RFTN1: variants seen among roughly 807,000 people sequenced by gnomAD.
RFTN1 encodes the protein raftlin.
In RFTN1, 26 loss-of-function variants were observed where a neutral mutation model predicts 46.5. That is an observed-to-expected ratio of 0.56 (90% CI 0.41 to 0.78). The LOEUF is 0.78. RFTN1 is among the 30% of genes least tolerant of loss of function. The probability of loss-of-function intolerance (pLI) is 0.00; values close to 1 mark genes in which losing one functional copy is unlikely to be tolerated. For missense variants in RFTN1, 693 were observed against 718.7 expected (o/e 0.96, Z 0.41); for synonymous variants, 261 against 284.2 (o/e 0.92, Z 0.82).
rs10575645 is a variant in RFTN1, at chr3:16,435,917, A to AATATAT, written c.146-1886_146-1881dup. Among the ~76,000 whole-genome samples the AATATAT allele has an allele frequency of 4.7e-3, 662 of 142,348 alleles. 17 individuals are homozygous for AATATAT. Among genetic ancestry groups the AATATAT allele is most frequent in the African/African-American group, 0.015 (577 of 37,778 alleles). 93.4% of individuals were successfully genotyped at this position (142,348 alleles called of 152,430 possible). A position where few individuals can be genotyped will look rare whatever the true frequency, so the allele number is the denominator to read the frequency against. ...AAATAAATAAAAAATCAGAGATGTA[A>AATATAT]ATATATATATATATATATATATATA... On this transcript the variant is annotated intron_variant, in intron 2 of 9. Transcript: ENST00000334133.
At chr3:16,510,620 T>A (rs2125017630) in intron 1 of RFTN1, among the ~76,000 whole-genome samples, 1 of 152,308 alleles carries the variant, frequency 6.6e-6, no homozygotes, top group African/African-American at 2.4e-5. Flanking sequence ...GACTTTAGGA[T>A]AGGAAAGACA....
At chr3:16,343,729 T>C (rs62233953) in intron 7 of RFTN1, among the ~76,000 whole-genome samples, 1 of 152,236 alleles carries the variant, frequency 6.6e-6, no homozygotes, top group African/African-American at 2.4e-5. Context: ...GTTAAAAACC[T>C]GCAACACAAA....
chr3:16,431,961 C>A (rs2075398292), intron 3 of RFTN1, among the ~76,000 whole-genome samples: 1 of 152,190 alleles, frequency 6.6e-6, no homozygotes, highest in Non-Finnish European at 1.5e-5. Flanking sequence ...ACTCTGCTTG[C>A]TGCCATCCGT....
intron 4 of RFTN1, among the ~76,000 whole-genome samples, chr3:16,393,550 A>G (rs968957919): frequency 2.6e-5 from 4 of 152,192 alleles, no homozygotes; most frequent in African/African-American, 7.2e-5. Context: ...CTCTCACAAT[A>G]TAAGGACTCT....
At position 16,342,860 on chromosome 3, in the gene RFTN1, G is replaced by A. The variant is rs1403951300; in HGVS notation, c.1146+15072C>T. 1.3e-5 allele frequency among the ~76,000 whole-genome samples: 2 copies of A among 152,256 alleles called. No homozygotes were observed. The highest frequency in any genetic ancestry group is 4.8e-5 in the African/African-American group (2 of 41,556). On this transcript the variant is annotated intron_variant, in intron 7 of 9. Transcript: ENST00000334133. This position sits in a 1 kb window ranked among gnomAD's most constrained non-coding sequence, Gnocchi z 4.0. The stretch of plus-strand genomic sequence containing the variant: ...GGCCTGGCTGAATTTTTTACATGCA[G>A]TTCCCTAATCTCCACCCCGAAGACC...
chr3:16,401,409 C>G (rs1438247194), intron 4 of RFTN1, among the ~76,000 whole-genome samples: 2 of 152,116 alleles, frequency 1.3e-5, no homozygotes, highest in Non-Finnish European at 2.9e-5. Context: ...TTTACTTAAG[C>G]CCATGGCAGG....
At position 16,466,246 on chromosome 3, in the gene RFTN1, C is replaced by T. The variant is rs1438273818; in HGVS notation, c.145+27479G>A. ...TTTAACTTGCATCGTCCTCTCATCC[C>T]AGCTTGCAAAGGAACAGGTACACAT... On this transcript the variant is annotated intron_variant, in intron 2 of 9. Transcript: ENST00000334133. The surrounding 1 kb of genome is among the most constrained non-coding windows in gnomAD (Gnocchi z 5.6). Among the ~76,000 whole-genome samples, 2 of 152,162 alleles carry T rather than the reference C, an allele frequency of 1.3e-5. No individual in the cohort carries two copies. The highest frequency in any genetic ancestry group is 2.9e-5 in the Non-Finnish European group (2 of 68,030).
rs1395107932 is a variant in RFTN1 at position 16,317,534 on chromosome 3, C to G, written c.1333-302G>C. ...CAAAGGCCCACATAGGAAAGGGCTC[C>G]TAAAGTCCTATCATTTGGAGGGCCA... On this transcript the variant is annotated intron_variant, in intron 9 of 9. Coordinates refer to ENST00000334133, the MANE Select transcript of RFTN1 (RefSeq NM_015150.2). The surrounding 1 kb of genome is among the most constrained non-coding windows in gnomAD (Gnocchi z 4.3). Among the ~76,000 whole-genome samples, 2 of 152,156 alleles carry G rather than the reference C, an allele frequency of 1.3e-5. No individual in the cohort carries two copies. The highest frequency in any genetic ancestry group is 4.8e-5 in the African/African-American group (2 of 41,424).
Position 16,322,790 on chromosome 3 carries a change from G to A in RFTN1, c.1332+586C>T, listed in dbSNP as rs984977891. Reference sequence around the variant, plus strand: ...TTTCTAGGGTAGTTCAGAGTCCGGAGAGGGGGAAAAGGGCCCTGGGGATCT... The same window carrying A: ...TTTCTAGGGTAGTTCAGAGTCCGGAAAGGGGGAAAAGGGCCCTGGGGATCT... On this transcript the variant is annotated intron_variant, in intron 9 of 9. Coordinates refer to ENST00000334133, the MANE Select transcript of RFTN1 (RefSeq NM_015150.2). This position sits in a 1 kb window ranked among gnomAD's most constrained non-coding sequence, Gnocchi z 6.2. Among the ~76,000 whole-genome samples the A allele has an allele frequency of 6.6e-6, 1 of 152,156 alleles. No homozygotes were observed. The highest frequency in any genetic ancestry group is 2.4e-5 in the African/African-American group (1 of 41,424).
rs1479813928 is a variant in RFTN1, at chr3:16,335,571, C to T, written c.1147-8695G>A. Among the ~76,000 whole-genome samples, 1 of 152,088 alleles carries T rather than the reference C, an allele frequency of 6.6e-6. No homozygotes were observed. Among genetic ancestry groups the T allele is most frequent in the Non-Finnish European group, 1.5e-5 (1 of 68,024 alleles). On this transcript the variant is annotated intron_variant, in intron 7 of 9. Transcript: ENST00000334133. The surrounding 1 kb of genome is among the most constrained non-coding windows in gnomAD (Gnocchi z 4.7). ...GTGGGAGAGCTGAACGGTGAAAACA[C>T]ATGTGAAAACACATGGACACATGGT...
intron 3 of RFTN1, among the ~76,000 whole-genome samples, chr3:16,417,290 G>A (rs2075101253): frequency 1.3e-5 from 2 of 151,644 alleles, no homozygotes; most frequent in South Asian, 2.1e-4. Flanking sequence ...ATCAGCCACC[G>A]CACCCGGCCT....
rs2069235135 is a variant in RFTN1, at chr3:16,322,881, C to T, written c.1332+495G>A. Among the ~76,000 whole-genome samples the T allele has an allele frequency of 6.6e-6, 1 of 152,196 alleles. No homozygotes were observed. The highest frequency in any genetic ancestry group is 1.9e-4 in the East Asian group (1 of 5,192). On this transcript the variant is annotated intron_variant, in intron 9 of 9. Transcript: ENST00000334133. This position sits in a 1 kb window ranked among gnomAD's most constrained non-coding sequence, Gnocchi z 6.2. ...ACAGCTAGCATCACCAGCTGTCACA[C>T]AGAGGCCTTTGGGTCTAGGCCTGTC...
Position 16,460,006 on chromosome 3 carries a change from A to G in RFTN1, c.146-25969T>C, listed in dbSNP as rs1278677668. Among the ~76,000 whole-genome samples the G allele has an allele frequency of 6.6e-6, 1 of 152,184 alleles. No homozygotes were observed. Among genetic ancestry groups the G allele is most frequent in the Non-Finnish European group, 1.5e-5 (1 of 68,028 alleles). On this transcript the variant is annotated intron_variant, in intron 2 of 9. Transcript: ENST00000334133. The surrounding 1 kb of genome is among the most constrained non-coding windows in gnomAD (Gnocchi z 4.8). ...AGAACATGAATTTTCCATATGATTGACTTATTTCAATGCTTTGAGTGGGCA... is the reference window on the plus strand; with the variant it reads ...AGAACATGAATTTTCCATATGATTGGCTTATTTCAATGCTTTGAGTGGGCA...
intron 2 of RFTN1, among the ~76,000 whole-genome samples, chr3:16,439,712 T>G (rs534006551): frequency 6.6e-6 from 1 of 152,102 alleles, no homozygotes; most frequent in Admixed American, 6.5e-5. Flanking sequence ...GGCTGGAAGA[T>G]ACCCACTGCC....
intron 6 of RFTN1, among the ~76,000 whole-genome samples, chr3:16,359,048 A>AAAG (rs1553730231): frequency 6.7e-6 from 1 of 148,426 alleles, no homozygotes; most frequent in East Asian, 2.0e-4. Flanking sequence ...AAAAAAAAAA[A>AAAG]AAAAGAAATA....
Position 16,465,249 on chromosome 3 carries a change from A to G in RFTN1, c.145+28476T>C, listed in dbSNP as rs974025482. ...AAAAAAAAAAGCCTTAGTATTTCAT[A>G]GAGGTTTTTGTTGTTGTTGTTCAGA... On this transcript the variant is annotated intron_variant, in intron 2 of 9. Transcript: ENST00000334133. The surrounding 1 kb of genome is among the most constrained non-coding windows in gnomAD (Gnocchi z 5.1). 6.6e-6 allele frequency among the ~76,000 whole-genome samples: 1 copy of G among 152,040 alleles called. No homozygotes were observed. Among genetic ancestry groups the G allele is most frequent in the African/African-American group, 2.4e-5 (1 of 41,414 alleles).
Position 16,346,195 on chromosome 3 carries a change from ACACCTTCCCTTGACTAAATGGAAT to A in RFTN1, c.1146+11713_1146+11736del, listed in dbSNP as rs2125305552. On this transcript the variant is annotated intron_variant, in intron 7 of 9. Coordinates refer to ENST00000334133, the MANE Select transcript of RFTN1 (RefSeq NM_015150.2). The surrounding 1 kb of genome is among the most constrained non-coding windows in gnomAD (Gnocchi z 4.4). ...GTGCACATTCATTTTTAATGACTACACACCTTCCCTTGACTAAATGGAATCAATCCTTCCTGCCTGAATTTCATC... is the reference window on the plus strand; with the variant it reads ...GTGCACATTCATTTTTAATGACTACACAATCCTTCCTGCCTGAATTTCATC... 1 of 152,280 alleles carries A rather than the reference ACACCTTCCCTTGACTAAATGGAAT, an allele frequency of 6.6e-6. No homozygotes were observed. Among genetic ancestry groups the A allele is most frequent in the Non-Finnish European group, 1.5e-5 (1 of 68,034 alleles). 9.4% of individuals were successfully genotyped at this position (152,280 alleles called of 1,614,324 possible).
At chr3:16,430,995 T>G (rs2125489028) in intron 3 of RFTN1, among the ~76,000 whole-genome samples, 1 of 152,360 alleles carries the variant, frequency 6.6e-6, no homozygotes, top group Non-Finnish European at 1.5e-5. Context: ...GTGGTGGTTC[T>G]TATTTCTGAA....
intron 3 of RFTN1, among the ~76,000 whole-genome samples, chr3:16,423,195 C>CT (rs1286765871): frequency 1.3e-5 from 2 of 151,194 alleles, no homozygotes; most frequent in Non-Finnish European, 2.9e-5. Context: ...GACTCCCTGT[C>CT]TTACTCCCTA....
Sources: allele counts gnomAD v4.1 joint callset (sites outside exome capture counted in the v4.1 genomes callset), GRCh38; gene constraint gnomAD v4.1.1; non-coding constraint Gnocchi (gnomAD v3.1); transcripts MANE v1.5; gene names NCBI Gene and HGNC (gene_info 2026-07-23, HGNC 2026-07-21).